CENPP: variants seen among roughly 807,000 people sequenced by gnomAD.
CENPP encodes the protein centromere protein P.
CENPP carries 24 observed loss-of-function variants against 35.6 expected under a neutral mutation model. The ratio of observed to expected loss-of-function variants is 0.67; its 90% confidence interval spans 0.49 to 0.95. CENPP has a LOEUF of 0.95. CENPP is among the 40% of genes least tolerant of loss of function. CENPP has a pLI of 0.00. For synonymous variants in CENPP, 120 were observed against 125.5 expected (o/e 0.96, Z 0.29); for missense variants, 332 against 345.3 (o/e 0.96, Z 0.31).
chr9:92,423,040 G>C (rs1843861074), intron 5 of CENPP, among the ~76,000 whole-genome samples: 1 of 152,092 alleles, frequency 6.6e-6, no homozygotes, highest in African/African-American at 2.4e-5. Context: ...TAAGTTATAG[G>C]TTAAGGCTTG....
chr9:92,609,259 T>C (rs1851168323), intron 5 of CENPP, among the ~76,000 whole-genome samples: 1 of 152,184 alleles, frequency 6.6e-6, no homozygotes. Context: ...ATGCACAGGG[T>C]GAGGGCCTCC....
intron 5 of CENPP, among the ~76,000 whole-genome samples, chr9:92,454,389 C>G (rs1300745746): frequency 6.6e-6 from 1 of 152,104 alleles, no homozygotes; most frequent in Non-Finnish European, 1.5e-5. Flanking sequence ...ATAAATCTGT[C>G]TTTTATTCTA....
intron 5 of CENPP, among the ~76,000 whole-genome samples, chr9:92,439,525 TGAG>T (rs1844332859): frequency 1.3e-5 from 2 of 152,328 alleles, no homozygotes; most frequent in Non-Finnish European, 2.9e-5. Flanking sequence ...CAGCTTTTCA[TGAG>T]TTGGTGGTCT....
chr9:92,575,803 C>A (rs1850268377), intron 5 of CENPP, among the ~76,000 whole-genome samples: 1 of 150,756 alleles, frequency 6.6e-6, no homozygotes. Context: ...CAGAGTGAGA[C>A]TCCATTTCAA....
At chr9:92,544,668 G>A (rs1452123456) in intron 5 of CENPP, among the ~76,000 whole-genome samples, 2 of 151,278 alleles carry the variant, frequency 1.3e-5, no homozygotes, top group African/African-American at 4.9e-5. Flanking sequence ...GGGAGAAAGC[G>A]TGGCTCACCA....
chr9:92,468,525 C>G (rs114745964), intron 5 of CENPP, among the ~76,000 whole-genome samples: 219 of 152,310 alleles, frequency 1.4e-3, no homozygotes, highest in African/African-American at 4.8e-3. Flanking sequence ...TTTGCTCTGA[C>G]TGTATCATCC....
chr9:92,533,172 C>T (rs1392396427), intron 5 of CENPP, among the ~76,000 whole-genome samples: 3 of 149,862 alleles, frequency 2.0e-5, no homozygotes, highest in Non-Finnish European at 4.5e-5. Flanking sequence ...TGGTGGCACG[C>T]GCGTGTAGTC....
chr9:92,392,621 G>C lies in CENPP; in HGVS notation c.564+12762G>C, dbSNP rs544652182. 2.2e-4 allele frequency among the ~76,000 whole-genome samples: 33 copies of C among 151,576 alleles called. 1 individual carries two copies. Among genetic ancestry groups the C allele is most frequent in the Admixed American group, 2.0e-3 (31 of 15,266 alleles). On this transcript the variant is annotated intron_variant, in intron 5 of 7. Transcript: ENST00000375587. ...CAGAGCAAGACTCCATGTCGGGTTG[G>C]GGGGAGGGGGGAGAAAAAAAAAACA...
chr9:92,405,318 T>C (rs893998389), intron 5 of CENPP, among the ~76,000 whole-genome samples: 1 of 152,146 alleles, frequency 6.6e-6, no homozygotes, highest in Non-Finnish European at 1.5e-5. Context: ...AAAAAATTCC[T>C]CCTTGGTGCT....
At chr9:92,611,853 C>T (rs1457804386) in intron 6 of CENPP, among the ~76,000 whole-genome samples, 1 of 152,242 alleles carries the variant, frequency 6.6e-6, no homozygotes, top group Non-Finnish European at 1.5e-5. Flanking sequence ...CTTGGCTGTG[C>T]ATGTGTGGAC....
At chr9:92,577,407 C>T (rs1268592316) in intron 5 of CENPP, among the ~76,000 whole-genome samples, 1 of 151,966 alleles carries the variant, frequency 6.6e-6, no homozygotes, top group African/African-American at 2.4e-5. Flanking sequence ...CCTCACTACT[C>T]GGGAGGCTGT....
chr9:92,416,764 T>G lies in CENPP; in HGVS notation c.564+36905T>G, dbSNP rs1222054872. On this transcript the variant is annotated intron_variant, in intron 5 of 7. Coordinates refer to ENST00000375587, the MANE Select transcript of CENPP (RefSeq NM_001012267.3). The stretch of plus-strand genomic sequence containing the variant: ...ATGGGATGTCTTGTAGTTTGTTGTG[T>G]GACATTCTTAGAGTATGAAGTTTTG... The G allele has an allele frequency of 3.7e-6, 6 of 1,613,792 alleles. No individual in the cohort carries two copies. In the South Asian group the frequency reaches 6.6e-5, roughly 18 times the overall value.
intron 5 of CENPP, among the ~76,000 whole-genome samples, chr9:92,580,285 C>A (rs902149255): frequency 6.6e-6 from 1 of 152,068 alleles, no homozygotes; most frequent in Admixed American, 6.6e-5. Context: ...TGTCTCTGCC[C>A]GGCTTTGGTA....
At chr9:92,472,036 C>G (rs1845540107) in intron 5 of CENPP, among the ~76,000 whole-genome samples, 1 of 152,128 alleles carries the variant, frequency 6.6e-6, no homozygotes, top group African/African-American at 2.4e-5. Flanking sequence ...TATCCTACAG[C>G]TCTATGTACT....
chr9:92,388,965 TA>T (rs1842555139), intron 5 of CENPP, among the ~76,000 whole-genome samples: 1 of 152,076 alleles, frequency 6.6e-6, no homozygotes, highest in South Asian at 2.1e-4. Flanking sequence ...TGAATAAAGA[TA>T]CCTTAATTGT....
At chr9:92,609,372 T>C (rs1056650296) in intron 5 of CENPP, among the ~76,000 whole-genome samples, 3 of 152,224 alleles carry the variant, frequency 2.0e-5, no homozygotes, top group African/African-American at 7.2e-5. Context: ...TCTGGTTCAA[T>C]CCGGCAAGTC....
intron 5 of CENPP, chr9:92,474,906 A>G: frequency 6.2e-7 from 1 of 1,605,956 alleles, no homozygotes; most frequent in Non-Finnish European, 8.5e-7. Flanking sequence ...ATGGTGTCTT[A>G]GTGTAGAAGA....
At chr9:92,429,345 CTT>C (rs1335670207) in intron 5 of CENPP, among the ~76,000 whole-genome samples, 1 of 152,152 alleles carries the variant, frequency 6.6e-6, no homozygotes, top group African/African-American at 2.4e-5. Context: ...GTGAAACAAA[CTT>C]TTATTAACAT....
intron 5 of CENPP, chr9:92,456,766 A>T (rs937540802): frequency 1.0e-5 from 2 of 192,220 alleles, no homozygotes; most frequent in African/African-American, 4.7e-5. Flanking sequence ...TGATAAGGTA[A>T]TTTCAATAAG....
Sources: allele counts gnomAD v4.1 joint callset (sites outside exome capture counted in the v4.1 genomes callset), GRCh38; gene constraint gnomAD v4.1.1; transcripts MANE v1.5; gene names NCBI Gene and HGNC (gene_info 2026-07-23, HGNC 2026-07-21).